VPS53: variants seen among roughly 807,000 people sequenced by gnomAD.
The protein encoded by VPS53 is VPS53 subunit of GARP complex, also known as vacuolar protein sorting-associated protein 53 homolog.
A neutral mutation model predicts 107.0 loss-of-function variants in VPS53; 70 were observed. The ratio of observed to expected loss-of-function variants is 0.65; its 90% CI spans 0.54 to 0.80. VPS53 has a LOEUF of 0.80. Ranked by LOEUF, VPS53 falls within the 30% of genes least tolerant of loss-of-function variation. The pLI is 0.00. For synonymous variants in VPS53, 409 were observed against 393.3 expected, an observed-to-expected ratio of 1.04 and a Z score of -0.47; for missense variants, 917 against 1,049.4, an observed-to-expected ratio of 0.87 and a Z score of 1.74.
intron 11 of VPS53, among the ~76,000 whole-genome samples, chr17:618,796 C>G (rs77136381): frequency 4.3e-4 from 65 of 151,072 alleles, no homozygotes; most frequent in African/African-American, 1.5e-3. Flanking sequence ...CAGGCGCCCA[C>G]CAGGCCTGCT....
chr17:680,654 C>T (rs1054586008), intron 4 of VPS53, among the ~76,000 whole-genome samples: 2 of 151,760 alleles, frequency 1.3e-5, no homozygotes, highest in African/African-American at 2.4e-5. Context: ...TCAAAAGAAT[C>T]GGGAAACAAG....
intron 17 of VPS53, among the ~76,000 whole-genome samples, chr17:544,428 G>C (rs979322756): frequency 6.6e-6 from 1 of 151,938 alleles, no homozygotes; most frequent in Non-Finnish European, 1.5e-5. Flanking sequence ...CTTTTAGGCA[G>C]GTTACTTAAG....
chr17:544,885 G>C (rs1911060457), intron 17 of VPS53, among the ~76,000 whole-genome samples: 1 of 152,084 alleles, frequency 6.6e-6, no homozygotes, highest in Non-Finnish European at 1.5e-5. Context: ...TTTGAGACTG[G>C]CCTGGGCAAC....
chr17:590,691 C>T (rs1967598421), intron 12 of VPS53, among the ~76,000 whole-genome samples: 2 of 150,196 alleles, frequency 1.3e-5, no homozygotes, highest in African/African-American at 2.4e-5. Context: ...TATTGATTTG[C>T]GTATATTGAA....
intron 7 of VPS53, among the ~76,000 whole-genome samples, chr17:651,181 T>C (rs1482796566): frequency 6.6e-6 from 1 of 152,044 alleles, no homozygotes; most frequent in East Asian, 1.9e-4. Flanking sequence ...AAACTACAGA[T>C]TTACGTAAAT....
intron 4 of VPS53, among the ~76,000 whole-genome samples, chr17:693,352 T>C (rs919171664): frequency 5.3e-5 from 8 of 152,158 alleles, no homozygotes; most frequent in African/African-American, 1.2e-4. Context: ...GGAAAAAATA[T>C]GGCATATATA....
At chr17:614,414 T>C (rs1255880660) in intron 11 of VPS53, among the ~76,000 whole-genome samples, 5 of 152,234 alleles carry the variant, frequency 3.3e-5, no homozygotes, top group Non-Finnish European at 2.9e-5. Flanking sequence ...TGCTTCTCTA[T>C]TCTCGCCATA....
chr17:665,988 G>A (rs1257928183), intron 4 of VPS53, among the ~76,000 whole-genome samples: 2 of 152,064 alleles, frequency 1.3e-5, no homozygotes, highest in Non-Finnish European at 2.9e-5. Context: ...TGGGTAATAA[G>A]AGCAAAACTC....
intron 7 of VPS53, among the ~76,000 whole-genome samples, chr17:641,479 G>C (rs963901140): frequency 6.6e-6 from 1 of 152,180 alleles, no homozygotes; most frequent in Non-Finnish European, 1.5e-5. Flanking sequence ...AGATTTCCTA[G>C]TCATTCCTTT....
At chr17:563,894 T>C (rs377375839) in intron 13 of VPS53, among the ~76,000 whole-genome samples, 9 of 152,358 alleles carry the variant, frequency 5.9e-5, no homozygotes, top group African/African-American at 1.9e-4. Flanking sequence ...GGTTTCTTTC[T>C]CCTCCGATTT....
intron 5 of VPS53, among the ~76,000 whole-genome samples, chr17:661,178 G>A (rs1337649505): frequency 1.3e-5 from 2 of 151,826 alleles, no homozygotes; most frequent in South Asian, 2.1e-4. Context: ...AGAAATGTTA[G>A]AGAAAGGAAA....
At chr17:618,341 C>G (rs571777670) in intron 11 of VPS53, among the ~76,000 whole-genome samples, 2 of 102,514 alleles carry the variant, frequency 2.0e-5, no homozygotes, top group African/African-American at 3.1e-5. Flanking sequence ...GCTGGGACTA[C>G]AGGGGTGCAC....
At position 551,872 on chromosome 17, in the gene VPS53, C is replaced by T; in HGVS notation, c.1866G>A (p.Lys622=). The change falls in exon 17 of 22, where the codon AAG becomes AAA. Residue 622 remains lysine, a splice_region_variant and synonymous_variant. Transcript: ENST00000437048. ...AGGATGCCATTTCCCAAGACCTTAC[C>T]TTGCTCATGGCAGTCAGGGCAGGAT... is the stretch of plus-strand genomic sequence containing the variant. ...ACDPALTAMS[K]MQWQNVEHVG... is the part of the protein sequence containing the mutation. 3.1e-6 allele frequency: 5 copies of T among 1,598,440 alleles called. No homozygotes were observed. The highest frequency in any genetic ancestry group is 4.3e-6 in the Non-Finnish European group (5 of 1,171,746).
In VPS53 at chr17:530,493, T is replaced by C. The variant is rs150682658; in HGVS notation, c.2085+2349A>G. Among the ~76,000 whole-genome samples the C allele has an allele frequency of 4.9e-3, 752 of 152,308 alleles. 8 individuals are homozygous for C. The highest frequency in any genetic ancestry group is 0.017 in the African/African-American group (717 of 41,558). ...CTAACAGTTTATCTGTAGATCCTTT[T>C]AGATTTATTACTCATAATCATATTT... is the stretch of plus-strand genomic sequence containing the variant. On this transcript the variant is annotated intron_variant, in intron 19 of 21. Coordinates refer to ENST00000437048, the MANE Select transcript of VPS53 (RefSeq NM_001128159.3).
chr17:667,401 T>C lies in VPS53; in HGVS notation c.286-5506A>G, dbSNP rs192409968. On this transcript the variant is annotated intron_variant, in intron 4 of 21. Transcript: ENST00000437048. The stretch of plus-strand genomic sequence containing the variant: ...TTTTTAAAGATGAGAAATGCTTGCA[T>C]ACGTCTGCTTGGGAGTGATTTAGCA... Among the ~76,000 whole-genome samples the C allele has an allele frequency of 2.0e-5, 3 of 151,460 alleles. No individual in the cohort carries two copies. The East Asian group carries it at 5.9e-4, about 30-fold the overall frequency.
chr17:548,599 C>A (rs141469402), intron 17 of VPS53, among the ~76,000 whole-genome samples: 1 of 130,532 alleles, frequency 7.7e-6, no homozygotes, highest in South Asian at 2.7e-4. Context: ...CGACTACACT[C>A]CACTTTGGCC....
intron 10 of VPS53, among the ~76,000 whole-genome samples, chr17:624,712 G>T (rs1398165047): frequency 6.6e-6 from 1 of 152,128 alleles, no homozygotes; most frequent in Non-Finnish European, 1.5e-5. Flanking sequence ...CCTCTCCCAG[G>T]CTCCATTTCT....
At chr17:560,684 G>A in intron 14 of VPS53, 111 bp from the exon 15 acceptor site, 2 of 1,301,640 alleles carry the variant, frequency 1.5e-6, no homozygotes, top group Non-Finnish European at 1.0e-6. Flanking sequence ...GCTGGACATG[G>A]CCCAAATCAA....
At chr17:671,355 A>G (rs1035510158) in intron 4 of VPS53, among the ~76,000 whole-genome samples, 7 of 151,900 alleles carry the variant, frequency 4.6e-5, no homozygotes, top group African/African-American at 1.7e-4. Context: ...GGAAAGAAAG[A>G]AAGAAAAGAA....
Sources: gnomAD v4.1 joint callset for allele counts (sites outside exome capture counted in the v4.1 genomes callset) on GRCh38, gnomAD v4.1.1 for gene constraint, MANE v1.5 for transcripts, NCBI Gene and HGNC (gene_info 2026-07-23, HGNC 2026-07-21) for gene names.